The following TMEM63B variants were observed in gnomAD, a reference collection of about 807,000 sequenced individuals.
TMEM63B encodes transmembrane protein 63B, also known as mechanosensitive cation channel TMEM63B.
Under a neutral mutation model 102.6 loss-of-function variants are expected in TMEM63B, and 23 were observed. The ratio of observed to expected loss-of-function variants is 0.22; its 90% CI spans 0.16 to 0.32. TMEM63B has a LOEUF of 0.32. TMEM63B is among the 10% of genes least tolerant of loss of function. TMEM63B has a pLI of 1.00. For synonymous variants in TMEM63B, 444 were observed against 437.0 expected (o/e 1.02, Z -0.20); for missense variants, 628 against 1,095.9 (o/e 0.57, Z 6.03).
At chr6:44,153,159 G>A (rs752511269) in intron 20 of TMEM63B, among the ~76,000 whole-genome samples, 9 of 152,190 alleles carry the variant, frequency 5.9e-5, no homozygotes, top group African/African-American at 1.9e-4. Context: ...GACTTGGCCA[G>A]GTCTCTCTTC....
In TMEM63B at chr6:44,139,748, C is replaced by T. The variant is rs1274353883; in HGVS notation, c.591C>T (p.Asn197=). The change falls in exon 8 of 24, where the codon AAC becomes AAT. Residue 197 remains asparagine (N), a synonymous_variant. Transcript: ENST00000323267. The part of the protein sequence containing the change: ...AYSFGRTTIA[N]LKSGNNLLWL... ...GCTTTGGGAGAACCACCATTGCCAA[C>T]TTGAAATCAGGGTAAGATGCGAAGC... 1 of 1,614,038 alleles carries T rather than the reference C, an allele frequency of 6.2e-7. No homozygotes were observed. The highest frequency in any genetic ancestry group is 1.3e-5 in the African/African-American group (1 of 74,918).
intron 1 of TMEM63B, among the ~76,000 whole-genome samples, chr6:44,134,002 C>T (rs759915036): frequency 1.4e-4 from 22 of 152,222 alleles, no homozygotes; most frequent in Non-Finnish European, 2.5e-4. Context: ...TCTGACCCAT[C>T]GTCGAACCTA....
chr6:44,153,129 C>T (rs987310047), intron 20 of TMEM63B, among the ~76,000 whole-genome samples: 1 of 152,254 alleles, frequency 6.6e-6, no homozygotes, highest in African/African-American at 2.4e-5. Context: ...TGGAGATAGT[C>T]TGCTGTATCT....
At chr6:44,147,607 A>G in intron 12 of TMEM63B, 107 bp downstream of exon 12, 1 of 1,468,468 alleles carries the variant, frequency 6.8e-7, no homozygotes, top group Admixed American at 2.1e-5. Context: ...GGAATCCTTG[A>G]AGCCTCAGTT....
chr6:44,154,606 C>A, intron 23 of TMEM63B, 86 bp from the exon 24 acceptor site: 1 of 1,475,606 alleles, frequency 6.8e-7, no homozygotes, highest in Non-Finnish European at 9.1e-7. Flanking sequence ...GGGCCCTGCC[C>A]ACTCTGCTGT....
rs528764624 is a variant in TMEM63B, at chr6:44,138,744, G to A, written c.407+227G>A. 7.6e-3 allele frequency: 2,444 copies of A among 320,626 alleles called. 183 individuals are homozygous for A. The highest frequency in any genetic ancestry group is 0.065 in the African/African-American group (2,143 of 33,222). The allele number at this position is 320,626 out of a possible 1,614,324, so 19.9% of individuals were successfully genotyped here. On this transcript the variant is annotated intron_variant, in intron 6 of 23. Transcript: ENST00000323267. ...TCTGTGACCCCCTGCCGGCCCCCCC[G>A]CTTCTCTCCCTGCCCTGCCCCACCT...
In TMEM63B at chr6:44,152,601, C is replaced by T; in HGVS notation, c.1845C>T (p.Ala615=). 1 of 1,608,426 alleles carries T rather than the reference C, an allele frequency of 6.2e-7. No individual in the cohort carries two copies. Among genetic ancestry groups the T allele is most frequent in the Non-Finnish European group, 8.5e-7 (1 of 1,179,884 alleles). Reference sequence around the variant, plus strand: ...GCCCGTCTCCCCCCCAGCATCAGGCCTACGAGTTCCAGTTTGGCGCAGCCT... The same window carrying T: ...GCCCGTCTCCCCCCCAGCATCAGGCTTACGAGTTCCAGTTTGGCGCAGCCT... ...AERRNVKRHQ[A]YEFQFGAAYA... Residue 615 remains alanine, a synonymous_variant, in exon 20 of 24, where the codon GCC becomes GCT. Coordinates refer to ENST00000323267, the MANE Select transcript of TMEM63B (RefSeq NM_018426.3). The surrounding 1 kb of genome is among the most constrained non-coding windows in gnomAD (Gnocchi z 6.4).
chr6:44,150,285 C>G lies in TMEM63B; in HGVS notation c.1582C>G (p.Leu528Val). The G allele has an allele frequency of 1.9e-6, 3 of 1,614,110 alleles. No homozygotes were observed. Among genetic ancestry groups the G allele is most frequent in the South Asian group, 2.2e-5 (2 of 91,086 alleles). Residue 528 changes from leucine to valine, a missense_variant, in exon 17 of 24, where the codon CTC becomes GTC. Physicochemically the swap from Leu to Val is conservative, Grantham distance 32 (BLOSUM62 1). This residue lies in a region of TMEM63B where 61 missense variants were observed against 176.0 expected (regional missense o/e 0.35). Transcript: ENST00000323267. This position sits in a 1 kb window ranked among gnomAD's most constrained non-coding sequence, Gnocchi z 4.7. ...CYTFLIFMVL[L>V]LPSLGLSSLD... Reference sequence around the variant, plus strand: ...CACTTTCCTCATCTTCATGGTGCTGCTCCTACCCTCGCTGGGACTGAGCAG... The same window carrying G: ...CACTTTCCTCATCTTCATGGTGCTGGTCCTACCCTCGCTGGGACTGAGCAG...
Position 44,147,611 on chromosome 6 carries a change from C to T in TMEM63B, c.987+111C>T. ...CACCTGTCCCTGGAATCCTTGAAGC[C>T]TCAGTTCCCACTGTTGGGTTTGTCT... On this transcript the variant is annotated intron_variant, in intron 12 of 23. Coordinates refer to ENST00000323267, the MANE Select transcript of TMEM63B (RefSeq NM_018426.3). 3 of 1,449,014 alleles carry T rather than the reference C, an allele frequency of 2.1e-6. No homozygotes were observed. In the South Asian group the frequency reaches 3.8e-5, roughly 19 times the overall value. The allele number at this position is 1,449,014 out of a possible 1,614,324, so 89.8% of individuals were successfully genotyped here.
At chr6:44,130,509 G>A (rs147493338) in intron 1 of TMEM63B, among the ~76,000 whole-genome samples, 8 of 150,794 alleles carry the variant, frequency 5.3e-5, no homozygotes, top group African/African-American at 2.0e-4. Flanking sequence ...CATGATCTTG[G>A]TTCACTGCAG....
At chr6:44,134,243 C>T (rs553941365) in intron 1 of TMEM63B, among the ~76,000 whole-genome samples, 3 of 152,150 alleles carry the variant, frequency 2.0e-5, no homozygotes, top group Middle Eastern at 3.4e-3. Flanking sequence ...GTGGGGGTGG[C>T]GGCGGCAGGG....
chr6:44,145,357 A>T (rs1231230022), intron 10 of TMEM63B, among the ~76,000 whole-genome samples: 1 of 150,836 alleles, frequency 6.6e-6, no homozygotes, highest in Non-Finnish European at 1.5e-5. Flanking sequence ...AGGGCGGGCC[A>T]ATCACCTGAG....
Position 44,152,604 on chromosome 6 carries a change from C to T in TMEM63B, c.1848C>T (p.Tyr616=), listed in dbSNP as rs201909446. The T allele has an allele frequency of 5.4e-5, 87 of 1,608,404 alleles. No homozygotes were observed. Among genetic ancestry groups the T allele is most frequent in the South Asian group, 9.9e-5 (9 of 91,058 alleles). The change falls in exon 20 of 24, where the codon TAC becomes TAT. Residue 616 remains tyrosine (Y), a synonymous_variant. Coordinates refer to ENST00000323267, the MANE Select transcript of TMEM63B (RefSeq NM_018426.3). This position sits in a 1 kb window ranked among gnomAD's most constrained non-coding sequence, Gnocchi z 6.4. Reference sequence around the variant, plus strand: ...CGTCTCCCCCCCAGCATCAGGCCTACGAGTTCCAGTTTGGCGCAGCCTACG... The same window carrying T: ...CGTCTCCCCCCCAGCATCAGGCCTATGAGTTCCAGTTTGGCGCAGCCTACG... ...ERRNVKRHQA[Y]EFQFGAAYAW...
intron 1 of TMEM63B, among the ~76,000 whole-genome samples, chr6:44,130,538 C>T (rs116024626): frequency 0.012 from 1,703 of 144,568 alleles, 24 homozygotes; most frequent in African/African-American, 0.041. Flanking sequence ...TCCCTGGGCT[C>T]AGGTGATCTT....
intron 15 of TMEM63B, 112 bp downstream of exon 15, chr6:44,149,057 G>A (rs530087636): frequency 4.7e-5 from 73 of 1,543,550 alleles, no homozygotes; most frequent in African/African-American, 4.1e-4. Context: ...TTCCAACCCC[G>A]TGCCACCAAC....
chr6:44,140,177 C>CT, intron 8 of TMEM63B, 75 bp from the exon 9 acceptor site: 1 of 1,212,302 alleles, frequency 8.2e-7, no homozygotes, highest in South Asian at 1.3e-5. Flanking sequence ...GGGTTTAACA[C>CT]TGACAGGCTG....
At position 44,135,998 on chromosome 6, in the gene TMEM63B, T is replaced by C. The variant is rs565036137; in HGVS notation, c.279-351T>C. Among the ~76,000 whole-genome samples the C allele has an allele frequency of 2.6e-5, 4 of 152,254 alleles. No homozygotes were observed. The East Asian group carries it at 5.8e-4, about 22-fold the overall frequency. On this transcript the variant is annotated intron_variant, in intron 4 of 23. Transcript: ENST00000323267. The stretch of plus-strand genomic sequence containing the variant: ...CACCTCCTCATTGCTCTTTGCATAA[T>C]GTTGGCTCCGTTGCCCGCCCCCGGC...
chr6:44,143,835 C>T (rs887411777), intron 10 of TMEM63B, among the ~76,000 whole-genome samples: 2 of 152,112 alleles, frequency 1.3e-5, no homozygotes, highest in African/African-American at 2.4e-5. Flanking sequence ...ATGGGATAGA[C>T]AGGGAGGGAC....
rs1204101319 is a variant in TMEM63B, at chr6:44,153,827, T to C, written c.2094T>C (p.Phe698=). 1 of 1,613,826 alleles carries C rather than the reference T, an allele frequency of 6.2e-7. No homozygotes were observed. Among genetic ancestry groups the C allele is most frequent in the South Asian group, 1.1e-5 (1 of 91,074 alleles). ...TCTGCCTCTTCTGGCTGCTCTTCTT[T>C]TCCACCATGCGCACGGGTGAGGGAT... ...PILCLFWLLF[F]STMRTGFLAP... is the part of the protein sequence containing the mutation. Residue 698 remains phenylalanine, a synonymous_variant, in exon 21 of 24, where the codon TTT becomes TTC. Transcript: ENST00000323267.
Sources: allele counts gnomAD v4.1 joint callset (sites outside exome capture counted in the v4.1 genomes callset), GRCh38; gene constraint gnomAD v4.1.1; regional missense constraint gnomAD v4.1.1; non-coding constraint Gnocchi (gnomAD v3.1); transcripts MANE v1.5; gene names NCBI Gene and HGNC (gene_info 2026-07-23, HGNC 2026-07-21).